Variants in PFKFB4 observed in about 807,000 individuals in gnomAD.
PFKFB4 encodes 6-phosphofructo-2-kinase/fructose-2,6-bisphosphatase 4.
Under a neutral mutation model 62.8 loss-of-function variants are expected in PFKFB4, and 42 were observed. That is an observed-to-expected ratio of 0.67 (90% CI 0.52 to 0.86). The LOEUF (loss-of-function observed/expected upper bound fraction) is 0.86. Among genes scored for constraint, PFKFB4 ranks in the 40% least tolerant of loss-of-function variants. The pLI, the probability that PFKFB4 is intolerant of heterozygous loss-of-function variation, is 0.00. For missense variants in PFKFB4, 475 were observed against 627.2 expected (o/e 0.76, Z 2.59); for synonymous variants, 204 against 240.7 (o/e 0.85, Z 1.41).
At chr3:48,554,324 T>C (rs1323318569) in intron 1 of PFKFB4, among the ~76,000 whole-genome samples, 1 of 152,216 alleles carries the variant, frequency 6.6e-6, no homozygotes, top group Non-Finnish European at 1.5e-5. Context: ...CACTGGGAGC[T>C]GGAGGTGCTG....
upstream of PFKFB4, chr3:48,561,056 C>T: frequency 2.3e-6 from 3 of 1,282,814 alleles, no homozygotes; most frequent in Non-Finnish European, 3.0e-6. The surrounding 1 kb of genome is among the most constrained non-coding windows in gnomAD (Gnocchi z 5.2). Context: ...GCCTACCCCG[C>T]CTGCTGCTCC....
chr3:48,557,884 G>A (rs981206408), upstream of PFKFB4, among the ~76,000 whole-genome samples: 2 of 152,064 alleles, frequency 1.3e-5, no homozygotes, highest in African/African-American at 4.8e-5. Flanking sequence ...ACTAAGCCCT[G>A]GGAGTATCTT....
chr3:48,533,948 G>A (rs144806207), intron 9 of PFKFB4, among the ~76,000 whole-genome samples: 1 of 152,366 alleles, frequency 6.6e-6, no homozygotes, highest in East Asian at 1.9e-4. Flanking sequence ...GAAGCAAGCT[G>A]AGGGGAGGAG....
rs2107525419 is a variant in PFKFB4, at chr3:48,536,443, A to G, written c.653T>C (p.Ile218Thr). The G allele has an allele frequency of 6.2e-7, 1 of 1,613,584 alleles. No homozygotes were observed. Among genetic ancestry groups the G allele is most frequent in the East Asian group, 2.2e-5 (1 of 44,876 alleles). Residue 218 changes from isoleucine to threonine, a missense_variant, in exon 8 of 14, where the codon ATC becomes ACC. Transcript: ENST00000232375. Reference sequence around the variant, plus strand: ...CACGTAGCTCTGGCCCACATCCATGATCTTGATATAGGACAGGTCCCTGTC... The same window carrying G: ...CACGTAGCTCTGGCCCACATCCATGGTCTTGATATAGGACAGGTCCCTGTC... ...DLDRDLSYIK[I>T]MDVGQSYVVN...
chr3:48,536,813 T>G, intron 7 of PFKFB4: 1 of 249,732 alleles, frequency 4.0e-6, no homozygotes. Context: ...GCACTCTCAA[T>G]ACACTGTCTG....
At chr3:48,557,044 G>A (rs189226543), upstream of PFKFB4, 331 of 1,131,872 alleles carry the variant, frequency 2.9e-4, no homozygotes, top group East Asian at 0.011. Context: ...GAATGCGCAT[G>A]CTCAACTCCG....
At chr3:48,548,489 AAAAT>A (rs1286020465) in intron 3 of PFKFB4, 3 of 152,302 alleles carry the variant, frequency 2.0e-5, no homozygotes, top group African/African-American at 4.8e-5. Context: ...AATAATTTTT[AAAAT>A]AAATAAATAA....
At chr3:48,537,389 G>C (rs557055062) in intron 7 of PFKFB4, among the ~76,000 whole-genome samples, 47 of 152,248 alleles carry the variant, frequency 3.1e-4, no homozygotes, top group African/African-American at 1.1e-3. Context: ...AGAGGCCCAG[G>C]TGGCAGGTGC....
intron 7 of PFKFB4, chr3:48,536,897 C>T (rs1283011467): frequency 5.9e-6 from 1 of 170,096 alleles, no homozygotes; most frequent in Non-Finnish European, 1.3e-5. Context: ...CACGCCCTCA[C>T]TCTTCCTGGT....
chr3:48,547,943 G>A (rs966448883), intron 3 of PFKFB4: 5 of 152,202 alleles, frequency 3.3e-5, no homozygotes, highest in African/African-American at 7.2e-5. Context: ...CTGATTAATA[G>A]GAGATGGCCC....
chr3:48,555,973 C>A, intron 1 of PFKFB4: 1 of 379,410 alleles, frequency 2.6e-6, no homozygotes, highest in Non-Finnish European at 5.3e-6. Context: ...GGTTTAAACA[C>A]CTGGGACCCT....
rs776738549 is a variant in PFKFB4 at position 48,549,907 on chromosome 3, CAA to C, written c.266_267del (p.Phe89Ter). Reference sequence around the variant, plus strand: ...TCTTCATTGTCGGGGAGAAAAAATTCAAAAGATTTGTAGGTCTTGACCACGTC... The same window carrying C: ...TCTTCATTGTCGGGGAGAAAAAATTCAAGATTTGTAGGTCTTGACCACGTC... ...RRDVVKTYKS[F>X]EFFLPDNEEG... On this transcript the variant is annotated frameshift_variant, in exon 3 of 14. Transcript: ENST00000232375. LOFTEE classifies it high-confidence loss of function. 1 of 1,613,808 alleles carries C rather than the reference CAA, an allele frequency of 6.2e-7. No homozygotes were observed. The highest frequency in any genetic ancestry group is 8.5e-7 in the Non-Finnish European group (1 of 1,179,698).
intron 1 of PFKFB4, among the ~76,000 whole-genome samples, chr3:48,553,504 T>C (rs1261393258): frequency 6.6e-6 from 1 of 151,976 alleles, no homozygotes; most frequent in Non-Finnish European, 1.5e-5. Flanking sequence ...GTTTATAACA[T>C]TGAGCATGTG....
At chr3:48,553,439 A>G (rs1031360013) in intron 1 of PFKFB4, among the ~76,000 whole-genome samples, 6 of 151,824 alleles carry the variant, frequency 4.0e-5, no homozygotes, top group African/African-American at 1.5e-4. Context: ...GTGCCACTGC[A>G]CTCCAGCCTG....
chr3:48,555,646 A>G (rs1285484011), intron 1 of PFKFB4, among the ~76,000 whole-genome samples: 1 of 152,172 alleles, frequency 6.6e-6, no homozygotes, highest in Non-Finnish European at 1.5e-5. Flanking sequence ...TGTAATCTCA[A>G]CACTTCGGAA....
At chr3:48,559,223 G>T (rs979625805), upstream of PFKFB4, among the ~76,000 whole-genome samples, 12 of 152,196 alleles carry the variant, frequency 7.9e-5, no homozygotes, top group African/African-American at 2.9e-4. Flanking sequence ...GGCTGACCCA[G>T]GCACCCTCCT....
intron 4 of PFKFB4, among the ~76,000 whole-genome samples, chr3:48,541,591 GGC>G (rs2042801420): frequency 6.6e-6 from 1 of 152,106 alleles, no homozygotes; most frequent in South Asian, 2.1e-4. Context: ...TTTTAAAAAG[GGC>G]ATCCAGCCAG....
At chr3:48,520,013 G>T (rs2042047573) in intron 13 of PFKFB4, among the ~76,000 whole-genome samples, 1 of 152,182 alleles carries the variant, frequency 6.6e-6, no homozygotes, top group African/African-American at 2.4e-5. Context: ...TAGAACAAAG[G>T]TGCGGTGGAG....
intron 3 of PFKFB4, among the ~76,000 whole-genome samples, chr3:48,546,007 C>CTG (rs975548097): frequency 6.6e-6 from 1 of 151,934 alleles, no homozygotes; most frequent in African/African-American, 2.4e-5. Flanking sequence ...GCCTGGGAGC[C>CTG]TGTGTGTGTG....
Sources: gnomAD v4.1 joint callset for allele counts (sites outside exome capture counted in the v4.1 genomes callset) on GRCh38, gnomAD v4.1.1 for gene constraint, Gnocchi (gnomAD v3.1) non-coding constraint, MANE v1.5 for transcripts, NCBI Gene and HGNC (gene_info 2026-07-23, HGNC 2026-07-21) for gene names.